Variants in PROC observed in about 807,000 individuals in gnomAD.
The protein encoded by PROC is protein C, inactivator of coagulation factors Va and VIIIa.
PROC carries 22 observed loss-of-function variants against 36.3 expected under a neutral mutation model. The observed-to-expected ratio is 0.61, with a 90% CI of 0.43 to 0.86. PROC has a LOEUF of 0.86. PROC is among the 40% of genes least tolerant of loss of function. PROC has a pLI of 0.00. For synonymous variants in PROC, 218 were observed against 244.5 expected (o/e 0.89, Z 1.01); for missense variants, 526 against 629.7 (o/e 0.84, Z 1.76).
At chr2:127,425,413 C>T (rs1390616252) in intron 6 of PROC, among the ~76,000 whole-genome samples, 1 of 152,220 alleles carries the variant, frequency 6.6e-6, no homozygotes, top group South Asian at 2.1e-4. Flanking sequence ...TGAGCAGAGT[C>T]GGGCCGACCT....
chr2:127,421,732 G>T (rs1325496596), intron 3 of PROC, among the ~76,000 whole-genome samples: 1 of 152,188 alleles, frequency 6.6e-6, no homozygotes, highest in East Asian at 1.9e-4. Context: ...AGCCACTGCT[G>T]AGCACCACTG....
Position 127,426,293 on chromosome 2 carries a change from G to A in PROC, c.678+66G>A. On this transcript the variant is annotated intron_variant, in intron 7 of 8. Coordinates refer to ENST00000234071, the MANE Select transcript of PROC (RefSeq NM_000312.4). The surrounding 1 kb of genome is among the most constrained non-coding windows in gnomAD (Gnocchi z 7.0). ...CGGGATCACTGAGTCCATCCTGGCA[G>A]CTATGCTCAGGGTGCAGAAACCGAG... The A allele has an allele frequency of 1.9e-6, 3 of 1,606,686 alleles. No homozygotes were observed. The highest frequency in any genetic ancestry group is 2.6e-6 in the Non-Finnish European group (3 of 1,174,170).
chr2:127,426,041 G>A lies in PROC; in HGVS notation c.536-44G>A, dbSNP rs1446887414. 1.3e-5 allele frequency: 21 copies of A among 1,613,354 alleles called. No individual in the cohort carries two copies. Among genetic ancestry groups the A allele is most frequent in the Non-Finnish European group, 1.8e-5 (21 of 1,179,834 alleles). On this transcript the variant is annotated intron_variant, in intron 6 of 8. Transcript: ENST00000234071. The surrounding 1 kb of genome is among the most constrained non-coding windows in gnomAD (Gnocchi z 7.0). ...GGACCAAGACAGGAGGGCAGTCTCGGGAGGAGTGCCTGGCAGGCCCCTCAC... is the reference window on the plus strand; with the variant it reads ...GGACCAAGACAGGAGGGCAGTCTCGAGAGGAGTGCCTGGCAGGCCCCTCAC...
chr2:127,428,786 C>A lies in PROC; in HGVS notation c.1226C>A (p.Ser409Tyr). The change falls in exon 9 of 9, where the codon TCC becomes TAC. Residue 409 changes from serine (S) to tyrosine (Y), a missense_variant. Transcript: ENST00000234071. ...GACAGTGGGGGGCCCATGGTCGCCT[C>A]CTTCCACGGCACCTGGTTCCTGGTG... Reference protein sequence around the residue: ...EGDSGGPMVASFHGTWFLVGL... With the variant: ...EGDSGGPMVAYFHGTWFLVGL... 6.2e-7 allele frequency: 1 copy of A among 1,612,184 alleles called. No homozygotes were observed. The highest frequency in any genetic ancestry group is 8.5e-7 in the Non-Finnish European group (1 of 1,179,070).
chr2:127,423,701 T>A (rs1263318564), intron 6 of PROC: 6 of 440,486 alleles, frequency 1.4e-5, no homozygotes, highest in Non-Finnish European at 2.4e-5. Flanking sequence ...GCAAGCCCAG[T>A]GGTGGCTCCG....
chr2:127,421,475 T>C, intron 3 of PROC, 26 bp downstream of exon 3: 1 of 1,613,372 alleles, frequency 6.2e-7, no homozygotes. Context: ...GTCCAGAGGA[T>C]GAGGCTCAGG....
At chr2:127,428,263 G>A in intron 8 of PROC, 94 bp from the exon 9 acceptor site, 1 of 1,251,150 alleles carries the variant, frequency 8.0e-7, no homozygotes, top group Non-Finnish European at 1.1e-6. Context: ...CTCTGCCCAG[G>A]CCTGCAGGGG....
chr2:127,424,607 G>A (rs1170179287), intron 6 of PROC, among the ~76,000 whole-genome samples: 2 of 152,220 alleles, frequency 1.3e-5, no homozygotes, highest in African/African-American at 2.4e-5. Flanking sequence ...GAGAGGCTGA[G>A]GTGGGAGGAT....
In PROC at chr2:127,418,478, C is replaced by T. The variant is rs1183699113; in HGVS notation, c.-36C>T. ...GCAGGACGGCGAACTTGCAGTATCT[C>T]CACGACCCGCCCCTGTGAGTCCCCC... On this transcript the variant is annotated 5_prime_UTR_variant, in exon 1 of 9. Transcript: ENST00000234071. The surrounding 1 kb of genome is among the most constrained non-coding windows in gnomAD (Gnocchi z 4.8). 7.8e-7 allele frequency: 1 copy of T among 1,289,820 alleles called. No individual in the cohort carries two copies. Among genetic ancestry groups the T allele is most frequent in the South Asian group, 1.2e-5 (1 of 81,032 alleles). The allele number at this position is 1,289,820 out of a possible 1,614,324, so 79.9% of individuals were successfully genotyped here.
chr2:127,420,497 C>T (rs1344982124), intron 2 of PROC, among the ~76,000 whole-genome samples: 1 of 152,196 alleles, frequency 6.6e-6, no homozygotes, highest in African/African-American at 2.4e-5. Context: ...CCTAAAGCCA[C>T]ACCAGGCTGT....
At chr2:127,422,702 G>C (rs1204783269) in intron 3 of PROC, among the ~76,000 whole-genome samples, 1 of 152,090 alleles carries the variant, frequency 6.6e-6, no homozygotes, top group African/African-American at 2.4e-5. Flanking sequence ...CTCCAGGGAC[G>C]TGGGATGGAG....
intron 6 of PROC, among the ~76,000 whole-genome samples, chr2:127,424,206 C>CTT (rs112725831): frequency 1.3e-5 from 2 of 149,384 alleles, no homozygotes; most frequent in African/African-American, 4.9e-5. Context: ...TCTTTTTTTT[C>CTT]TTTTTTTTTG....
chr2:127,423,007 GACCCCCT>G lies in PROC; in HGVS notation c.263-21_263-15del. 16 of 1,612,532 alleles carry G rather than the reference GACCCCCT, an allele frequency of 9.9e-6. No homozygotes were observed. The highest frequency in any genetic ancestry group is 1.4e-5 in the Non-Finnish European group (16 of 1,179,800). On this transcript the variant is annotated intron_variant, in intron 4 of 8. Transcript: ENST00000234071. The stretch of plus-strand genomic sequence containing the variant: ...GCGCCCCTCGGGATCTCTGGCCGCT[GACCCCCT>G]ACCCCGCCTTGTGTCGCAGACGGTG...
rs1436671530 is a variant in PROC at position 127,423,124 on chromosome 2, TCAGCTGCGACTGCCGCAG to T, written c.355_372del (p.Ser119_Ser124del). ...ACGTGCATCGACGGCATCGGCAGCT[TCAGCTGCGACTGCCGCAG>T]CGGCTGGGAGGGCCGCTTCTGCCAG... On this transcript the variant is annotated inframe_deletion, in exon 5 of 9. Coordinates refer to ENST00000234071, the MANE Select transcript of PROC (RefSeq NM_000312.4). 2 of 1,606,308 alleles carry T rather than the reference TCAGCTGCGACTGCCGCAG, an allele frequency of 1.2e-6. No individual in the cohort carries two copies. The highest frequency in any genetic ancestry group is 1.7e-6 in the Non-Finnish European group (2 of 1,176,668).
rs754815190 is a variant in PROC at position 127,418,857 on chromosome 2, G to A, written c.-22+365G>A. Among the ~76,000 whole-genome samples, 21 of 152,202 alleles carry A rather than the reference G, an allele frequency of 1.4e-4. No homozygotes were observed. The highest frequency in any genetic ancestry group is 5.9e-4 in the Admixed American group (9 of 15,286). ...TCGGCAAGAATGGAGAGCAGGGTCCGGTAGGGTGTGCAGAGGGCCACGTGG... is the reference window on the plus strand; with the variant it reads ...TCGGCAAGAATGGAGAGCAGGGTCCAGTAGGGTGTGCAGAGGGCCACGTGG... On this transcript the variant is annotated intron_variant, in intron 1 of 8. Coordinates refer to ENST00000234071, the MANE Select transcript of PROC (RefSeq NM_000312.4). The surrounding 1 kb of genome is among the most constrained non-coding windows in gnomAD (Gnocchi z 4.8).
intron 3 of PROC, 107 bp downstream of exon 3, chr2:127,421,556 G>A: frequency 7.3e-7 from 1 of 1,370,920 alleles, no homozygotes; most frequent in Non-Finnish European, 1.0e-6. Context: ...CTTAGGAGTT[G>A]TGGGGGTGGC....
intron 1 of PROC, 181 bp from the exon 2 acceptor site, chr2:127,419,741 C>A: frequency 2.1e-6 from 3 of 1,405,666 alleles, no homozygotes; most frequent in South Asian, 1.4e-5. Context: ...CTCAGCCCCA[C>A]GTAGAGCGGG....
intron 1 of PROC, 181 bp from the exon 2 acceptor site, chr2:127,419,741 C>T (rs1412112204): frequency 2.8e-5 from 40 of 1,405,660 alleles, no homozygotes; most frequent in Admixed American, 1.5e-4. Context: ...CTCAGCCCCA[C>T]GTAGAGCGGG....
At chr2:127,421,488 C>T (rs554385266) in intron 3 of PROC, 39 bp downstream of exon 3, 24 of 1,611,218 alleles carry the variant, frequency 1.5e-5, no homozygotes, top group East Asian at 8.9e-5. Context: ...GGCTCAGGGG[C>T]GAGCTGGTAA....
Sources: gnomAD v4.1 joint callset for allele counts (sites outside exome capture counted in the v4.1 genomes callset) on GRCh38, gnomAD v4.1.1 for gene constraint, Gnocchi (gnomAD v3.1) non-coding constraint, MANE v1.5 for transcripts, NCBI Gene and HGNC (gene_info 2026-07-23, HGNC 2026-07-21) for gene names.